The following UBE2D1 variants were observed in gnomAD, a reference collection of about 807,000 sequenced individuals.
The protein encoded by UBE2D1 is ubiquitin-conjugating enzyme E2 D1.
UBE2D1 carries 9 observed loss-of-function variants against 24.6 expected under a neutral mutation model. The observed-to-expected ratio is 0.37, with a 90% CI of 0.22 to 0.64. The LOEUF is 0.64. Among genes scored for constraint, UBE2D1 ranks in the 30% least tolerant of loss-of-function variants. UBE2D1 has a pLI of 0.64. For synonymous variants in UBE2D1, 57 were observed against 57.6 expected (o/e 0.99, Z 0.04); for missense variants, 87 against 177.1 (o/e 0.49, Z 2.89).
intron 1 of UBE2D1, among the ~76,000 whole-genome samples, chr10:58,357,867 A>T (rs918866079): frequency 6.6e-6 from 1 of 152,154 alleles, no homozygotes; most frequent in East Asian, 1.9e-4. Context: ...TTGATATACT[A>T]TCAGCTGCCT....
Position 58,369,611 on chromosome 10 carries a change from TTAAAAA to T in UBE2D1, c.*847_*852del, listed in dbSNP as rs1211302116. Reference sequence around the variant, plus strand: ...TTTTTCTACTATTTGTCTTGATTACTTAAAAAAATAAAAATATAAGTAAGGATCAAA... The same window carrying T: ...TTTTTCTACTATTTGTCTTGATTACTAATAAAAATATAAGTAAGGATCAAA... On this transcript the variant is annotated 3_prime_UTR_variant, in exon 7 of 7. Transcript: ENST00000373910. 6.6e-6 allele frequency: 1 copy of T among 152,434 alleles called. No homozygotes were observed. The highest frequency in any genetic ancestry group is 1.5e-5 in the Non-Finnish European group (1 of 67,834). The allele number at this position is 152,434 out of a possible 1,614,324, so 9.4% of individuals were successfully genotyped here. A position where few individuals can be genotyped will look rare whatever the true frequency, so the allele number is the denominator to read the frequency against.
chr10:58,354,113 A>C (rs1310363709), intron 1 of UBE2D1, among the ~76,000 whole-genome samples: 1 of 152,184 alleles, frequency 6.6e-6, no homozygotes, highest in African/African-American at 2.4e-5. Flanking sequence ...TTACCTATGT[A>C]TTTTTATACA....
intron 6 of UBE2D1, 62 bp downstream of exon 6, chr10:58,368,078 G>A (rs75362994): frequency 0.038 from 42,699 of 1,125,502 alleles, 2,874 homozygotes; most frequent in East Asian, 0.31. Flanking sequence ...GCCAAAACAC[G>A]AATATTATCA....
At position 58,368,896 on chromosome 10, in the gene UBE2D1, G is replaced by T; in HGVS notation, c.*131G>T. ...CATTTGATTTTTACCCATTTTAAAT[G>T]TGTTTCTGAAGCAAGACAAAACAAA... On this transcript the variant is annotated 3_prime_UTR_variant, in exon 7 of 7. Coordinates refer to ENST00000373910, the MANE Select transcript of UBE2D1 (RefSeq NM_003338.5). 1 of 528,874 alleles carries T rather than the reference G, an allele frequency of 1.9e-6. No homozygotes were observed. 32.8% of individuals were successfully genotyped at this position (528,874 alleles called of 1,614,324 possible). A position where few individuals can be genotyped will look rare whatever the true frequency, so the allele number is the denominator to read the frequency against.
intron 1 of UBE2D1, among the ~76,000 whole-genome samples, chr10:58,359,515 A>G (rs1840171232): frequency 6.6e-6 from 1 of 152,170 alleles, no homozygotes; most frequent in African/African-American, 2.4e-5. Flanking sequence ...GTTGAACCAC[A>G]TTGTTTCTTC....
At chr10:58,363,974 G>A (rs1323080388) in intron 4 of UBE2D1, among the ~76,000 whole-genome samples, 1 of 151,166 alleles carries the variant, frequency 6.6e-6, no homozygotes, top group Non-Finnish European at 1.5e-5. Context: ...TTATGATTAA[G>A]AGTCAGACTT....
At position 58,369,973 on chromosome 10, in the gene UBE2D1, T is replaced by A. The variant is rs373540346; in HGVS notation, c.*1208T>A. ...TTAAAATGCCCCCACCCTGATGTAA[T>A]TGACATTACATTTCTTAACATTTTA... is the stretch of plus-strand genomic sequence containing the variant. On this transcript the variant is annotated 3_prime_UTR_variant, in exon 7 of 7. Transcript: ENST00000373910. The A allele has an allele frequency of 1.8e-4, 27 of 152,126 alleles. No individual in the cohort carries two copies. The East Asian group carries it at 3.6e-3, about 20-fold the overall frequency. 9.4% of individuals were successfully genotyped at this position (152,126 alleles called of 1,614,324 possible).
At chr10:58,339,386 G>A (rs970181380) in intron 1 of UBE2D1, among the ~76,000 whole-genome samples, 5 of 152,172 alleles carry the variant, frequency 3.3e-5, no homozygotes, top group East Asian at 1.9e-4. Context: ...GATTACAGGC[G>A]TGAACCACCT....
At chr10:58,365,757 G>A (rs1840248905) in intron 5 of UBE2D1, among the ~76,000 whole-genome samples, 1 of 152,178 alleles carries the variant, frequency 6.6e-6, no homozygotes, top group Non-Finnish European at 1.5e-5. Context: ...CTGCACTGAA[G>A]CAACCATCAA....
chr10:58,335,506 G>A (rs16912153), intron 1 of UBE2D1, among the ~76,000 whole-genome samples: 6,428 of 152,366 alleles, frequency 0.042, 203 homozygotes, highest in East Asian at 0.12. Flanking sequence ...CCTCTTGCGC[G>A]TCCAGACCGT....
At chr10:58,353,494 C>T (rs1170352430) in intron 1 of UBE2D1, among the ~76,000 whole-genome samples, 1 of 152,118 alleles carries the variant, frequency 6.6e-6, no homozygotes, top group Non-Finnish European at 1.5e-5. Flanking sequence ...TAGCTGTGTC[C>T]TGAAAGTAGG....
Position 58,351,018 on chromosome 10 carries a change from A to G in UBE2D1, c.25-10320A>G, listed in dbSNP as rs188507744. Among the ~76,000 whole-genome samples the G allele has an allele frequency of 4.2e-3, 647 of 152,320 alleles. 6 individuals are homozygous for G. The highest frequency in any genetic ancestry group is 0.031 in the Middle Eastern group (9 of 294). On this transcript the variant is annotated intron_variant, in intron 1 of 6. Coordinates refer to ENST00000373910, the MANE Select transcript of UBE2D1 (RefSeq NM_003338.5). ...CTCATTAAAAAGGTACAGTAAAAAT[A>G]TAGTATAAAAGAGAAAAAATGGTAT...
At chr10:58,363,738 T>C in intron 4 of UBE2D1, 52 bp downstream of exon 4, 1 of 1,344,380 alleles carries the variant, frequency 7.4e-7, no homozygotes. Context: ...ATTTTATTCT[T>C]TATCTAGAGC....
rs556464787 is a variant in UBE2D1, at chr10:58,335,049, A to G, written c.-153A>G. The G allele has an allele frequency of 1.2e-4, 89 of 761,618 alleles. 1 individual carries two copies. The South Asian group carries it at 1.5e-3, about 13-fold the overall frequency. 47.2% of individuals were successfully genotyped at this position (761,618 alleles called of 1,614,324 possible). On this transcript the variant is annotated 5_prime_UTR_variant, in exon 1 of 7. Coordinates refer to ENST00000373910, the MANE Select transcript of UBE2D1 (RefSeq NM_003338.5). ...GCGCTCGGGCGCACACGGAGCAGGG[A>G]CCGGCGCCCGGAGCGAGCCAGGGAG...
At chr10:58,336,065 C>T (rs1839900739) in intron 1 of UBE2D1, among the ~76,000 whole-genome samples, 1 of 152,178 alleles carries the variant, frequency 6.6e-6, no homozygotes, top group South Asian at 2.1e-4. Context: ...CAACTGTTTA[C>T]CCATCTCAAC....
chr10:58,351,854 G>A (rs980857196), intron 1 of UBE2D1, among the ~76,000 whole-genome samples: 1 of 152,160 alleles, frequency 6.6e-6, no homozygotes, highest in African/African-American at 2.4e-5. Flanking sequence ...ATTGCAGTGC[G>A]ATGTTAGGAT....
At position 58,337,182 on chromosome 10, in the gene UBE2D1, GAC is replaced by G. The variant is rs1158405297; in HGVS notation, c.24+1959_24+1960del. 2.0e-5 allele frequency among the ~76,000 whole-genome samples: 3 copies of G among 152,132 alleles called. No individual in the cohort carries two copies. The East Asian group carries it at 5.8e-4, about 29-fold the overall frequency. ...TACATAGAATTGATATCAAACATGT[GAC>G]AAATTGATATTTTGGAAAAGAAATT... On this transcript the variant is annotated intron_variant, in intron 1 of 6. Transcript: ENST00000373910.
At chr10:58,364,068 T>G (rs1428248398) in intron 4 of UBE2D1, among the ~76,000 whole-genome samples, 1 of 151,850 alleles carries the variant, frequency 6.6e-6, no homozygotes, top group Non-Finnish European at 1.5e-5. Context: ...ATTCACCGAG[T>G]ACCTACTGTG....
Position 58,368,842 on chromosome 10 carries a change from C to G in UBE2D1, c.*77C>G. The G allele has an allele frequency of 4.4e-6, 4 of 904,436 alleles. No individual in the cohort carries two copies. Among genetic ancestry groups the G allele is most frequent in the Non-Finnish European group, 6.6e-6 (4 of 604,340 alleles). The allele number at this position is 904,436 out of a possible 1,614,324, so 56.0% of individuals were successfully genotyped here. On this transcript the variant is annotated 3_prime_UTR_variant, in exon 7 of 7. Transcript: ENST00000373910. ...TTCAACATTAGCAGTAAATTGAGCA[C>G]TGTTTACTGTTTCATTGTACCATGA...
Sources: allele counts gnomAD v4.1 joint callset (sites outside exome capture counted in the v4.1 genomes callset), GRCh38; gene constraint gnomAD v4.1.1; transcripts MANE v1.5; gene names NCBI Gene and HGNC (gene_info 2026-07-23, HGNC 2026-07-21).